The following CSMD1 variants were observed in gnomAD, a reference collection of about 807,000 sequenced individuals.
The protein encoded by CSMD1 is CUB and sushi domain-containing protein 1.
A neutral mutation model predicts 417.5 loss-of-function variants in CSMD1; 213 were observed. The observed-to-expected ratio is 0.51, with a 90% CI of 0.46 to 0.57. The LOEUF is 0.57. Among genes scored for constraint, CSMD1 ranks in the 20% least tolerant of loss-of-function variants. The pLI, the probability that CSMD1 is intolerant of heterozygous loss-of-function variation, is 0.00. For missense variants in CSMD1, 6,923 were observed against 4,529.7 expected (o/e 1.53, Z -15.17); for synonymous variants, 2,862 against 1,736.8 (o/e 1.65, Z -16.11).
At chr8:4,152,686 T>C (rs767132901) in intron 3 of CSMD1, among the ~76,000 whole-genome samples, 16 of 151,560 alleles carry the variant, frequency 1.1e-4, no homozygotes, top group Middle Eastern at 3.4e-3. Context: ...CGAGACCTTG[T>C]CTCAAAAAAG....
At chr8:3,215,882 A>G (rs1413521932) in intron 29 of CSMD1, among the ~76,000 whole-genome samples, 1 of 151,724 alleles carries the variant, frequency 6.6e-6, no homozygotes, top group African/African-American at 2.4e-5. Context: ...AATATTTTCA[A>G]TTATATTTTT....
At chr8:3,767,556 C>A (rs1477380152) in intron 5 of CSMD1, among the ~76,000 whole-genome samples, 1 of 152,202 alleles carries the variant, frequency 6.6e-6, no homozygotes, top group African/African-American at 2.4e-5. Context: ...ACATCCAAAG[C>A]TGATTGCTGA....
intron 10 of CSMD1, among the ~76,000 whole-genome samples, chr8:3,563,278 C>T (rs1415875051): frequency 1.3e-5 from 2 of 151,820 alleles, no homozygotes; most frequent in South Asian, 2.1e-4. Context: ...ACACTCCTTC[C>T]CAGTTATCTA....
chr8:4,911,993 C>G lies in CSMD1; in HGVS notation c.85+82339G>C, dbSNP rs368007776. ...TTTAATAATTTCTCCACAAGAAGTA[C>G]GTACTCTTTTGGTCTTTCTTCTGTA... On this transcript the variant is annotated intron_variant, in intron 1 of 69. Transcript: ENST00000635120. Among the ~76,000 whole-genome samples, 143 of 151,290 alleles carry G rather than the reference C, an allele frequency of 9.5e-4. 1 individual carries two copies. The highest frequency in any genetic ancestry group is 3.4e-3 in the African/African-American group (141 of 41,246).
rs933123399 is a variant in CSMD1, at chr8:3,997,888, C to A, written c.818+15G>T. On this transcript the variant is annotated intron_variant, in intron 5 of 69. Coordinates refer to ENST00000635120, the MANE Select transcript of CSMD1 (RefSeq NM_033225.6). ...CACACCTGTATCCTTTGTGGCATCT[C>A]TTCCCGGGACTTACCATATGGATGG... 9 of 1,606,130 alleles carry A rather than the reference C, an allele frequency of 5.6e-6. No individual in the cohort carries two copies. Among genetic ancestry groups the A allele is most frequent in the East Asian group, 4.5e-5 (2 of 44,732 alleles).
At chr8:3,280,266 A>G (rs1802630495) in intron 26 of CSMD1, among the ~76,000 whole-genome samples, 1 of 152,248 alleles carries the variant, frequency 6.6e-6, no homozygotes, top group Non-Finnish European at 1.5e-5. Context: ...GCGTGGAATT[A>G]TGGAAGACAG....
chr8:4,741,888 C>G (rs1480687657), intron 1 of CSMD1, among the ~76,000 whole-genome samples: 2 of 151,038 alleles, frequency 1.3e-5, no homozygotes, highest in Non-Finnish European at 2.9e-5. Flanking sequence ...GGCTGGAGTA[C>G]AGTAGCATGA....
chr8:3,043,477 G>T (rs2128984945), intron 50 of CSMD1, among the ~76,000 whole-genome samples: 1 of 151,832 alleles, frequency 6.6e-6, no homozygotes, highest in Non-Finnish European at 1.5e-5. Flanking sequence ...AGCTAGTATT[G>T]CTCTGGTTTG....
At chr8:4,567,030 G>A (rs375332021) in intron 2 of CSMD1, among the ~76,000 whole-genome samples, 3 of 152,110 alleles carry the variant, frequency 2.0e-5, no homozygotes, top group African/African-American at 4.8e-5. Flanking sequence ...ATTAACTGGC[G>A]TCCTACGGAG....
intron 8 of CSMD1, among the ~76,000 whole-genome samples, chr8:3,598,936 C>T (rs967802844): frequency 9.9e-5 from 15 of 152,016 alleles, no homozygotes; most frequent in Non-Finnish European, 1.9e-4. Flanking sequence ...CAAAAATTAA[C>T]TGGGCATGGT....
chr8:2,960,405 T>TTCCC (rs2128924793), intron 62 of CSMD1, among the ~76,000 whole-genome samples: 1 of 152,328 alleles, frequency 6.6e-6, no homozygotes, highest in Admixed American at 6.5e-5. Flanking sequence ...AAGAAGGTTT[T>TTCCC]TTATTCTTAA....
At chr8:3,046,486 A>T (rs1222336616) in intron 50 of CSMD1, among the ~76,000 whole-genome samples, 2 of 152,150 alleles carry the variant, frequency 1.3e-5, no homozygotes, top group African/African-American at 4.8e-5. Flanking sequence ...TTCAGAGCTA[A>T]CAGTGCGCTC....
intron 1 of CSMD1, among the ~76,000 whole-genome samples, chr8:4,971,539 T>C (rs1337723564): frequency 1.3e-5 from 2 of 151,980 alleles, no homozygotes; most frequent in Non-Finnish European, 2.9e-5. Context: ...CTGACATAAT[T>C]TCTTGAGTTT....
intron 5 of CSMD1, among the ~76,000 whole-genome samples, chr8:3,874,034 C>A (rs73493820): frequency 0.018 from 2,720 of 152,322 alleles, 80 homozygotes; most frequent in African/African-American, 0.059. Flanking sequence ...AAATTAGCAT[C>A]TGTAAAGCTT....
chr8:4,730,095 C>T (rs964032183), intron 1 of CSMD1, among the ~76,000 whole-genome samples: 1 of 152,130 alleles, frequency 6.6e-6, no homozygotes, highest in Non-Finnish European at 1.5e-5. Context: ...ATCTTTATTA[C>T]CCCTTTTCGT....
intron 4 of CSMD1, among the ~76,000 whole-genome samples, chr8:4,012,069 T>C (rs774321148): frequency 1.3e-5 from 2 of 152,140 alleles, no homozygotes; most frequent in Non-Finnish European, 2.9e-5. Context: ...GCAGCCATCA[T>C]ATGCCTAGCT....
intron 1 of CSMD1, among the ~76,000 whole-genome samples, chr8:4,865,743 A>T (rs1172293114): frequency 6.6e-6 from 1 of 151,956 alleles, no homozygotes; most frequent in African/African-American, 2.4e-5. Context: ...TTAATATAAG[A>T]GAGAAAAGCT....
chr8:3,771,741 C>T (rs1163479686), intron 5 of CSMD1, among the ~76,000 whole-genome samples: 1 of 152,158 alleles, frequency 6.6e-6, no homozygotes, highest in African/African-American at 2.4e-5. Context: ...ATGACATTGA[C>T]TGTGTGTGTT....
chr8:3,724,918 G>A (rs112261897), intron 6 of CSMD1, among the ~76,000 whole-genome samples: 4 of 152,282 alleles, frequency 2.6e-5, no homozygotes, highest in African/African-American at 9.6e-5. Context: ...AGAAGCACAT[G>A]CCCCACTATG....
Sources: gnomAD v4.1 joint callset for allele counts (sites outside exome capture counted in the v4.1 genomes callset) on GRCh38, gnomAD v4.1.1 for gene constraint, MANE v1.5 for transcripts, NCBI Gene and HGNC (gene_info 2026-07-23, HGNC 2026-07-21) for gene names.